Variants in MYO15A observed in about 807,000 individuals in gnomAD.
MYO15A encodes the protein myosin XVA.
Under a neutral mutation model 394.6 loss-of-function variants are expected in MYO15A, and 308 were observed. That is an observed-to-expected ratio of 0.78 (90% CI 0.71 to 0.86). MYO15A has a LOEUF of 0.86. MYO15A is among the 40% of genes least tolerant of loss of function. MYO15A has a pLI of 0.00. For missense variants in MYO15A, 4,606 were observed against 4,799.1 expected, an observed-to-expected ratio of 0.96 and a Z score of 1.19; for synonymous variants, 1,957 against 2,003.8, an observed-to-expected ratio of 0.98 and a Z score of 0.62.
rs2046530005 is a variant in MYO15A at position 18,148,900 on chromosome 17, T to C, written c.6904T>C (p.Tyr2302His). The C allele has an allele frequency of 2.5e-6, 4 of 1,607,612 alleles. No individual in the cohort carries two copies. The highest frequency in any genetic ancestry group is 1.3e-5 in the African/African-American group (1 of 74,810). ...CAGGGACTTCCCTCGACAGAAGTCC[T>C]ACTTCATTGTGGGCACAGAGGGGCC... The part of the protein sequence containing the change: ...LLRDFPRQKS[Y>H]FIVGTEGPAA... The change falls in exon 33 of 66, where the codon TAC becomes CAC. Residue 2302 changes from tyrosine (Y) to histidine (H), a missense_variant. Coordinates refer to ENST00000647165, the MANE Select transcript of MYO15A (RefSeq NM_016239.4). The surrounding 1 kb of genome is among the most constrained non-coding windows in gnomAD (Gnocchi z 4.8).
rs558861104 is a variant in MYO15A, at chr17:18,132,169, C to T, written c.4207-284C>T. 1.9e-4 allele frequency among the ~76,000 whole-genome samples: 29 copies of T among 152,246 alleles called. No individual in the cohort carries two copies. The highest frequency in any genetic ancestry group is 7.0e-4 in the African/African-American group (29 of 41,536). ...ACACATGTATGCAGGTGTGTGTGGC[C>T]GGTACACATAAGAGAAGACGGGTCC... On this transcript the variant is annotated intron_variant, in intron 10 of 65. Transcript: ENST00000647165. The surrounding 1 kb of genome is among the most constrained non-coding windows in gnomAD (Gnocchi z 4.6).
rs1313202968 is a variant in MYO15A, at chr17:18,158,646, G to A, written c.9083+8G>A. ...CCCTCAGAGGAGACCCCAGTGAGTG[G>A]CGGCCCCACCCCTCTTCCCACAGTG... On this transcript the variant is annotated splice_region_variant and intron_variant, in intron 52 of 65. Transcript: ENST00000647165. 2 of 1,613,168 alleles carry A rather than the reference G, an allele frequency of 1.2e-6. No homozygotes were observed. The highest frequency in any genetic ancestry group is 2.7e-5 in the African/African-American group (2 of 74,898).
chr17:18,176,199 C>T (rs1399228066), intron 65 of MYO15A, among the ~76,000 whole-genome samples: 1 of 152,178 alleles, frequency 6.6e-6, no homozygotes, highest in Non-Finnish European at 1.5e-5. Flanking sequence ...TCCGAGGCTG[C>T]ATAATTTACA....
Position 18,171,659 on chromosome 17 carries a change from C to A in MYO15A, c.10104C>A (p.Ile3368=). The A allele has an allele frequency of 6.2e-7, 1 of 1,613,910 alleles. No individual in the cohort carries two copies. Among genetic ancestry groups the A allele is most frequent in the Non-Finnish European group, 8.5e-7 (1 of 1,180,046 alleles). ...ACAGGCGGGAAGTCCAGGAGTACAT[C>A]CCAGCCCAGCTCTACCGTACAACGG... ...LPSVREVQEY[I]PAQLYRTTAG... Residue 3368 remains isoleucine (I), a synonymous_variant, in exon 63 of 66, where the codon ATC becomes ATA. Transcript: ENST00000647165.
chr17:18,167,923 TTTCGCAAGTTGC>T (rs1298438213), intron 62 of MYO15A, among the ~76,000 whole-genome samples, 200 bp downstream of exon 62: 2 of 152,228 alleles, frequency 1.3e-5, no homozygotes, highest in African/African-American at 4.8e-5. Flanking sequence ...CCCGCCTCTC[TTTCGCAAGTTGC>T]TTCTGGCTGG....
At chr17:18,112,228 T>G (rs1259457235) in intron 1 of MYO15A, among the ~76,000 whole-genome samples, 4 of 150,334 alleles carry the variant, frequency 2.7e-5, no homozygotes, top group Non-Finnish European at 5.9e-5. Context: ...CTCTGACCTC[T>G]CTCTGCTTCA....
At chr17:18,161,122 C>G (rs1426184507) in intron 56 of MYO15A, 195 bp from the exon 57 acceptor site, 1 of 883,342 alleles carries the variant, frequency 1.1e-6, no homozygotes, top group Non-Finnish European at 1.8e-6. Context: ...GGGGCCCCAT[C>G]CCCTTCTGTC....
chr17:18,121,746 T>G lies in MYO15A; in HGVS notation c.2946T>G (p.Ala982=), dbSNP rs2045939442. ...PSPTLQPEDP[A]ADMTRVFLGR... ...CCACCCTCCAGCCTGAGGATCCAGCTGCTGATATGACCAGGGTCTTCCTGG... is the reference window on the plus strand; with the variant it reads ...CCACCCTCCAGCCTGAGGATCCAGCGGCTGATATGACCAGGGTCTTCCTGG... The change falls in exon 2 of 66, where the codon GCT becomes GCG. Residue 982 remains alanine, a synonymous_variant. Coordinates refer to ENST00000647165, the MANE Select transcript of MYO15A (RefSeq NM_016239.4). This position sits in a 1 kb window ranked among gnomAD's most constrained non-coding sequence, Gnocchi z 5.3. The G allele has an allele frequency of 6.2e-7, 1 of 1,602,614 alleles. No individual in the cohort carries two copies. The highest frequency in any genetic ancestry group is 1.7e-5 in the Admixed American group (1 of 59,274).
At position 18,127,055 on chromosome 17, in the gene MYO15A, C is replaced by T. The variant is rs1032641469; in HGVS notation, c.3942-20C>T. 3 of 1,613,914 alleles carry T rather than the reference C, an allele frequency of 1.9e-6. No individual in the cohort carries two copies. Among genetic ancestry groups the T allele is most frequent in the African/African-American group, 2.7e-5 (2 of 75,042 alleles). ...AGGCAGCGAAAGGTTGGAGCTCACT[C>T]TGCCCCTTTGCTCGGTCAGTGGAGA... On this transcript the variant is annotated intron_variant, in intron 6 of 65. Transcript: ENST00000647165.
intron 34 of MYO15A, 30 bp downstream of exon 34, chr17:18,149,406 G>C: frequency 6.2e-7 from 1 of 1,610,554 alleles, no homozygotes; most frequent in Non-Finnish European, 8.5e-7. Flanking sequence ...TGTCTCTGGT[G>C]GGGAGGGAGC....
Position 18,141,579 on chromosome 17 carries a change from G to A in MYO15A, c.5532-74G>A, listed in dbSNP as rs11658477. 0.18 allele frequency: 246,635 copies of A among 1,398,162 alleles called. 23,282 individuals carry two copies. Among genetic ancestry groups the A allele is most frequent in the Middle Eastern group, 0.27 (1,450 of 5,282 alleles). 86.6% of individuals were successfully genotyped at this position (1,398,162 alleles called of 1,614,324 possible). ...AGGCTTTTTGGACACCTGGCTGGGG[G>A]CAGTAACCCCATGGTCTAGCAGACA... On this transcript the variant is annotated intron_variant, in intron 22 of 65. Transcript: ENST00000647165.
At chr17:18,116,542 A>G (rs2045787935) in intron 1 of MYO15A, among the ~76,000 whole-genome samples, 1 of 152,168 alleles carries the variant, frequency 6.6e-6, no homozygotes, top group South Asian at 2.1e-4. Context: ...CCATGAGACC[A>G]CTGTGCAACA....
chr17:18,136,735 G>A (rs751160424), intron 15 of MYO15A, 49 bp downstream of exon 15: 33 of 1,543,938 alleles, frequency 2.1e-5, no homozygotes, highest in East Asian at 1.2e-4. Context: ...GCAAGGTCTC[G>A]CCTCCCTCAG....
rs983447843 is a variant in MYO15A at position 18,178,753 on chromosome 17, T to C, written c.10492-16T>C. The C allele has an allele frequency of 9.9e-6, 16 of 1,613,048 alleles. No individual in the cohort carries two copies. The highest frequency in any genetic ancestry group is 1.4e-5 in the Non-Finnish European group (16 of 1,179,104). Reference sequence around the variant, plus strand: ...GGAAGTGTTGGATGGGCGTGGACTGTCACTGTCACCTGCAGGGACTGGAAC... The same window carrying C: ...GGAAGTGTTGGATGGGCGTGGACTGCCACTGTCACCTGCAGGGACTGGAAC... On this transcript the variant is annotated splice_polypyrimidine_tract_variant and intron_variant, in intron 65 of 65. Transcript: ENST00000647165.
chr17:18,135,636 C>T (rs372553396), intron 12 of MYO15A, 75 bp from the exon 13 acceptor site: 113 of 1,400,012 alleles, frequency 8.1e-5, no homozygotes, highest in South Asian at 3.9e-4. Context: ...CCACAGTGCC[C>T]GGCCCTGTTT....
At position 18,155,444 on chromosome 17, in the gene MYO15A, G is replaced by T; in HGVS notation, c.8459+12G>T. On this transcript the variant is annotated intron_variant, in intron 47 of 65. Coordinates refer to ENST00000647165, the MANE Select transcript of MYO15A (RefSeq NM_016239.4). Reference sequence around the variant, plus strand: ...CTGCGTGCATACAGGTGACCAGCAGGGGTGAAGTGGGGCTGGCTGGAGACT... The same window carrying T: ...CTGCGTGCATACAGGTGACCAGCAGTGGTGAAGTGGGGCTGGCTGGAGACT... 1 of 1,605,010 alleles carries T rather than the reference G, an allele frequency of 6.2e-7. No homozygotes were observed. Among genetic ancestry groups the T allele is most frequent in the South Asian group, 1.1e-5 (1 of 90,932 alleles).
chr17:18,124,915 C>A, intron 3 of MYO15A: 1 of 596,700 alleles, frequency 1.7e-6, no homozygotes, highest in Non-Finnish European at 3.0e-6. Context: ...ATTATCTAAT[C>A]ACAGTGATTA....
intron 15 of MYO15A, among the ~76,000 whole-genome samples, chr17:18,137,269 T>C (rs1458122472): frequency 6.6e-6 from 1 of 152,260 alleles, no homozygotes; most frequent in East Asian, 1.9e-4. Flanking sequence ...AGGCAGGTAC[T>C]GTCAGTATCC....
At chr17:18,146,725 G>C (rs1166298403) in intron 30 of MYO15A, among the ~76,000 whole-genome samples, 1 of 152,192 alleles carries the variant, frequency 6.6e-6, no homozygotes, top group Admixed American at 6.5e-5. Context: ...AGGAGTTGAA[G>C]ACCAGCCTGG....
Sources: allele counts gnomAD v4.1 joint callset (sites outside exome capture counted in the v4.1 genomes callset), GRCh38; gene constraint gnomAD v4.1.1; non-coding constraint Gnocchi (gnomAD v3.1); transcripts MANE v1.5; gene names NCBI Gene and HGNC (gene_info 2026-07-23, HGNC 2026-07-21).